ARHGEF11: variants seen among roughly 807,000 people sequenced by gnomAD.
ARHGEF11 encodes Rho guanine exchange factor (GEF) 11.
ARHGEF11 carries 55 observed loss-of-function variants against 193.7 expected under a neutral mutation model. That is an observed-to-expected ratio of 0.28 (90% CI 0.23 to 0.36). The LOEUF is 0.36. Among genes scored for constraint, ARHGEF11 ranks in the 10% least tolerant of loss-of-function variants. The probability of loss-of-function intolerance (pLI) is 1.00; values close to 1 mark genes in which losing one functional copy is unlikely to be tolerated. For synonymous variants in ARHGEF11, 693 were observed against 768.0 expected (o/e 0.90, Z 1.62); for missense variants, 1,723 against 2,005.6 (o/e 0.86, Z 2.69).
chr1:157,020,150 G>A (rs1414226329), intron 1 of ARHGEF11, among the ~76,000 whole-genome samples: 1 of 151,490 alleles, frequency 6.6e-6, no homozygotes, highest in African/African-American at 2.4e-5. Context: ...GAAGAAGAGA[G>A]AGACGGATTA....
upstream of ARHGEF11, among the ~76,000 whole-genome samples, chr1:157,046,225 CCCGCCGCCGCCA>C (rs1163939941): frequency 4.7e-5 from 7 of 149,038 alleles, no homozygotes; most frequent in South Asian, 1.1e-3. Flanking sequence ...GCGCGCCGTC[CCCGCCGCCGCCA>C]CCGCCACCGC....
chr1:156,947,525 C>A, intron 25 of ARHGEF11, 75 bp from the exon 26 acceptor site: 1 of 1,461,756 alleles, frequency 6.8e-7, no homozygotes, highest in Non-Finnish European at 9.1e-7. Flanking sequence ...AGTCCCTGAC[C>A]TGGTTCCCAC....
At chr1:156,984,815 C>T (rs1664693917) in intron 2 of ARHGEF11, among the ~76,000 whole-genome samples, 1 of 151,948 alleles carries the variant, frequency 6.6e-6, no homozygotes, top group Non-Finnish European at 1.5e-5. Context: ...AGGATTGAAG[C>T]CCAAGTGAGC....
chr1:156,960,501 A>C, intron 14 of ARHGEF11, 41 bp from the exon 15 acceptor site: 4 of 1,606,406 alleles, frequency 2.5e-6, no homozygotes, highest in Non-Finnish European at 3.4e-6. Flanking sequence ...TCAGGTCTGC[A>C]CACTCCAGGG....
chr1:157,021,766 G>A (rs1670015010), intron 1 of ARHGEF11, among the ~76,000 whole-genome samples: 1 of 152,142 alleles, frequency 6.6e-6, no homozygotes, highest in African/African-American at 2.4e-5. Context: ...GTTGTTTCAA[G>A]GATCCAATAA....
chr1:156,985,344 A>G (rs1401308428), intron 2 of ARHGEF11, among the ~76,000 whole-genome samples: 3 of 152,234 alleles, frequency 2.0e-5, no homozygotes, highest in African/African-American at 7.2e-5. Context: ...CCTAGTATAC[A>G]TCATGTGCTT....
rs773406952 is a variant in ARHGEF11 at position 156,976,996 on chromosome 1, T to C, written c.569A>G (p.Glu190Gly). ...CAGTGACCTTACCTGTAATTCTTTTTCTTCCTGCCTCAGCATATTCCTGAG... is the reference window on the plus strand; with the variant it reads ...CAGTGACCTTACCTGTAATTCTTTTCCTTCCTGCCTCAGCATATTCCTGAG... Reference protein sequence around the residue: ...QILRNMLRQEEKELQRICEVY... With the variant: ...QILRNMLRQEGKELQRICEVY... The change falls in exon 7 of 41, where the codon GAA becomes GGA. Residue 190 changes from glutamate to glycine, a missense_variant. By Grantham distance (98) the Glu-to-Gly change is moderately conservative. Around this residue, in one of 5 missense-constraint regions of ARHGEF11, gnomAD observed 646 missense variants for 710.7 expected, o/e 0.91. Transcript: ENST00000368194. 1.2e-6 allele frequency: 2 copies of C among 1,614,060 alleles called. No homozygotes were observed. Among genetic ancestry groups the C allele is most frequent in the African/African-American group, 1.3e-5 (1 of 74,930 alleles).
At chr1:156,940,536 G>A in intron 35 of ARHGEF11, 111 bp from the exon 36 acceptor site, 1 of 974,220 alleles carries the variant, frequency 1.0e-6, no homozygotes, top group South Asian at 2.0e-5. Flanking sequence ...TTATTCTACA[G>A]TTGTTTACTG....
At chr1:156,944,880 G>A in intron 30 of ARHGEF11, 139 bp downstream of exon 30, 2 of 1,163,830 alleles carry the variant, frequency 1.7e-6, no homozygotes, top group Non-Finnish European at 2.4e-6. Flanking sequence ...CAGGGTGTGT[G>A]TCTTCTGGGG....
chr1:156,949,659 C>A (rs115207579), intron 22 of ARHGEF11, among the ~76,000 whole-genome samples: 3,202 of 152,214 alleles, frequency 0.021, 116 homozygotes, highest in African/African-American at 0.073. Flanking sequence ...CCAACCCAGA[C>A]TAACTCGGAA....
At chr1:156,944,477 CA>C in intron 30 of ARHGEF11, 44 bp from the exon 31 acceptor site, 1 of 1,389,384 alleles carries the variant, frequency 7.2e-7, no homozygotes, top group Non-Finnish European at 9.9e-7. Context: ...TTCATTCATT[CA>C]TTCAAGTGTT....
rs546580935 is a variant in ARHGEF11 at position 157,044,782 on chromosome 1, C to T, written c.-452G>A. 45 of 366,576 alleles carry T rather than the reference C, an allele frequency of 1.2e-4. No individual in the cohort carries two copies. Among genetic ancestry groups the T allele is most frequent in the Non-Finnish European group, 2.1e-4 (43 of 207,522 alleles). The allele number at this position is 366,576 out of a possible 1,614,324, so 22.7% of individuals were successfully genotyped here. On this transcript the variant is annotated 5_prime_UTR_variant, in exon 1 of 41. Coordinates refer to ENST00000368194, the MANE Select transcript of ARHGEF11 (RefSeq NM_198236.3). ...AGCTGTCCTTCTGTTGGCAAGAGAC[C>T]CTCTAGCTCAAAGGGGGAAAGTAAT... is the stretch of plus-strand genomic sequence containing the variant.
chr1:156,936,497 A>AAAAAAAAAAAAATATATAT (rs370282821), intron 40 of ARHGEF11, among the ~76,000 whole-genome samples: 1 of 33,916 alleles, frequency 2.9e-5, no homozygotes, highest in African/African-American at 1.5e-4. Flanking sequence ...AAAAAAAAAA[A>AAAAAAAAAAAAATATATAT]ATATATATAT....
At chr1:157,023,157 G>A (rs961434013) in intron 1 of ARHGEF11, among the ~76,000 whole-genome samples, 6 of 152,150 alleles carry the variant, frequency 3.9e-5, no homozygotes, top group Non-Finnish European at 7.4e-5. Flanking sequence ...AAATTAAAAC[G>A]TCTTGTGTGT....
rs887570466 is a variant in ARHGEF11, at chr1:156,952,289, C to G, written c.1799-590G>C. Among the ~76,000 whole-genome samples the G allele has an allele frequency of 7.3e-4, 111 of 152,112 alleles. 5 individuals are homozygous for G. The highest frequency in any genetic ancestry group is 1.0e-4 in the Non-Finnish European group (7 of 68,016). On this transcript the variant is annotated intron_variant, in intron 21 of 40. Coordinates refer to ENST00000368194, the MANE Select transcript of ARHGEF11 (RefSeq NM_198236.3). ...TCACTGGCATTCAAATTCCAGCCCC[C>G]TTTCAAAGCTAAGACAGAAGAGAGC...
rs1553228459 is a variant in ARHGEF11, at chr1:157,013,259, T to TCTCACACACACACACACACA, written c.33-27087_33-27086insTGTGTGTGTGTGTGTGTGAG. Among the ~76,000 whole-genome samples, 752 of 109,534 alleles carry TCTCACACACACACACACACA rather than the reference T, an allele frequency of 6.9e-3. 22 individuals are homozygous for TCTCACACACACACACACACA. The highest frequency in any genetic ancestry group is 0.015 in the Admixed American group (157 of 10,670). The allele number at this position is 109,534 out of a possible 152,430, so 71.9% of individuals were successfully genotyped here. On this transcript the variant is annotated intron_variant, in intron 1 of 40. Coordinates refer to ENST00000368194, the MANE Select transcript of ARHGEF11 (RefSeq NM_198236.3). ...CCCAACTGCTCATAACTCCCCACTA[T>TCTCACACACACACACACACA]CACTCACACACACACACACACACAC...
At chr1:156,977,191 G>A in intron 6 of ARHGEF11, 137 bp from the exon 7 acceptor site, 1 of 748,982 alleles carries the variant, frequency 1.3e-6, no homozygotes. Flanking sequence ...TCAGTACCTT[G>A]CCGGAATGCA....
At position 156,941,880 on chromosome 1, in the gene ARHGEF11, C is replaced by T. The variant is rs747540330; in HGVS notation, c.3436G>A (p.Gly1146Ser). The change falls in exon 34 of 41, where the codon GGC becomes AGC. Residue 1146 changes from glycine to serine, a missense_variant. By Grantham distance (56) the Gly-to-Ser change is moderately conservative. Coordinates refer to ENST00000368194, the MANE Select transcript of ARHGEF11 (RefSeq NM_198236.3). ...GCACTGCACCTGCTGGGTGTGGGGC[C>T]CTGCTGGGCTGGCTCCCGGGGACCT... ...PPGPREPAQQ[G>S]PTPSRVELDD... The T allele has an allele frequency of 1.9e-6, 3 of 1,611,358 alleles. No homozygotes were observed. The East Asian group carries it at 6.7e-5, about 36-fold the overall frequency.
chr1:156,936,503 T>A (rs1328442419), intron 40 of ARHGEF11, among the ~76,000 whole-genome samples: 118 of 111,248 alleles, frequency 1.1e-3, no homozygotes, highest in African/African-American at 4.4e-3. Context: ...AAAAAATATA[T>A]ATATATATAT....
Sources: gnomAD v4.1 joint callset for allele counts (sites outside exome capture counted in the v4.1 genomes callset) on GRCh38, gnomAD v4.1.1 for gene constraint, gnomAD v4.1.1 regional missense constraint, MANE v1.5 for transcripts, NCBI Gene and HGNC (gene_info 2026-07-23, HGNC 2026-07-21) for gene names.